The following EML2 variants were observed in gnomAD, a reference collection of about 807,000 sequenced individuals.
EML2 encodes EMAP like 2.
In EML2, 59 loss-of-function variants were observed where a neutral mutation model predicts 84.7. That is an observed-to-expected ratio of 0.70 (90% CI 0.56 to 0.86). The LOEUF (loss-of-function observed/expected upper bound fraction) is 0.86. EML2 is among the 40% of genes least tolerant of loss of function. The pLI, the probability that EML2 is intolerant of heterozygous loss-of-function variation, is 0.00. For missense variants in EML2, 818 were observed against 855.6 expected (o/e 0.96, Z 0.55); for synonymous variants, 352 against 348.9 (o/e 1.01, Z -0.10).
At chr19:45,623,301 G>A in intron 9 of EML2, among the ~76,000 whole-genome samples, 1 of 152,028 alleles carries the variant, frequency 6.6e-6, no homozygotes, top group Non-Finnish European at 1.5e-5. Flanking sequence ...AGAGCTTGCA[G>A]TGAGCCGAGA....
chr19:45,638,654 G>A lies in EML2; in HGVS notation c.50-20C>T. 1 of 1,612,106 alleles carries A rather than the reference G, an allele frequency of 6.2e-7. No individual in the cohort carries two copies. The highest frequency in any genetic ancestry group is 8.5e-7 in the Non-Finnish European group (1 of 1,178,858). On this transcript the variant is annotated intron_variant, in intron 2 of 18. Transcript: ENST00000245925. ...CATCCTCTGCCAGGACACCCCCAGAGGTCAGGCACTGACACCAGCCCCATC... is the reference window on the plus strand; with the variant it reads ...CATCCTCTGCCAGGACACCCCCAGAAGTCAGGCACTGACACCAGCCCCATC...
chr19:45,637,672 T>C (rs1322694348), intron 3 of EML2, among the ~76,000 whole-genome samples: 33 of 92,596 alleles, frequency 3.6e-4, no homozygotes, highest in South Asian at 2.1e-3. Flanking sequence ...CTTTTCTTTT[T>C]TTTTTTTTTT....
Position 45,613,607 on chromosome 19 carries a change from C to T in EML2, c.1758G>A (p.Lys586=). ...INAVARSHDG[K]LLASADDFGK... is the part of the protein sequence containing the mutation. ...CAAAGTCATCAGCTGAAGCCAGCAACTTCCCATCATGAGAGCGGGCCACAG... is the reference window on the plus strand; with the variant it reads ...CAAAGTCATCAGCTGAAGCCAGCAATTTCCCATCATGAGAGCGGGCCACAG... Residue 586 remains lysine (K), a synonymous_variant, in exon 18 of 19, where the codon AAG becomes AAA. Transcript: ENST00000245925. The T allele has an allele frequency of 1.9e-6, 3 of 1,614,134 alleles. No individual in the cohort carries two copies. The African/African-American group carries it at 4.0e-5, about 22-fold the overall frequency.
At position 45,638,848 on chromosome 19, in the gene EML2, C is replaced by G. The variant is rs1433627667; in HGVS notation, c.46G>C (p.Val16Leu). 1 of 1,613,750 alleles carries G rather than the reference C, an allele frequency of 6.2e-7. No individual in the cohort carries two copies. Residue 16 changes from valine to leucine, a missense_variant, in exon 2 of 19, where the codon GTG becomes CTG. Coordinates refer to ENST00000245925, the MANE Select transcript of EML2 (RefSeq NM_012155.4). ...AGKTKEVIFSVEDGSVKMFLR... is the reference protein window; with the variant it reads ...AGKTKEVIFSLEDGSVKMFLR... ...CCTTCCCCATCTCCCCACTCACCCA[C>G]ACTGAAGATAACTTCTTTGGTTTTG...
At chr19:45,625,346 T>A (rs1223018389) in intron 8 of EML2, among the ~76,000 whole-genome samples, 4 of 152,226 alleles carry the variant, frequency 2.6e-5, no homozygotes, top group Non-Finnish European at 2.9e-5. Flanking sequence ...GTTCAAGCGA[T>A]TCTCCCGCTG....
Position 45,621,697 on chromosome 19 carries a change from A to G in EML2, c.842-60T>C, listed in dbSNP as rs142173149. The G allele has an allele frequency of 7.8e-4, 1,196 of 1,530,290 alleles. 1 individual carries two copies. In the Middle Eastern group the frequency reaches 8.9e-3, roughly 11 times the overall value. 94.8% of individuals were successfully genotyped at this position (1,530,290 alleles called of 1,614,324 possible). ...AAGCCACCCCTATGCTGACCCCTGA[A>G]AGCATCTTGAACTCTCAAGCCTATG... is the stretch of plus-strand genomic sequence containing the variant. On this transcript the variant is annotated intron_variant, in intron 9 of 18. Coordinates refer to ENST00000245925, the MANE Select transcript of EML2 (RefSeq NM_012155.4).
chr19:45,624,331 G>C (rs1192351974), intron 9 of EML2, among the ~76,000 whole-genome samples: 2 of 152,074 alleles, frequency 1.3e-5, no homozygotes, highest in African/African-American at 4.8e-5. Flanking sequence ...CCATTTCCTA[G>C]GATCACACCT....
At chr19:45,642,230 G>T (rs770146492), upstream of EML2, 1 of 1,535,752 alleles carries the variant, frequency 6.5e-7, no homozygotes, top group South Asian at 1.2e-5. Flanking sequence ...CGCAGGCGAC[G>T]CAGAGCATCC....
intron 1 of EML2, 154 bp downstream of exon 1, chr19:45,639,203 A>G: frequency 1.2e-6 from 1 of 868,088 alleles, no homozygotes; most frequent in South Asian, 2.2e-5. Context: ...TTCCCCCAGC[A>G]CACCAAACGT....
At chr19:45,619,757 A>G (rs915562423) in intron 11 of EML2, among the ~76,000 whole-genome samples, 5 of 152,144 alleles carry the variant, frequency 3.3e-5, no homozygotes, top group African/African-American at 1.2e-4. Flanking sequence ...CACTCAAATC[A>G]TGGATGGAAA....
upstream of EML2, chr19:45,643,760 G>A: frequency 6.7e-7 from 1 of 1,501,770 alleles, no homozygotes; most frequent in Non-Finnish European, 8.9e-7. Flanking sequence ...TCCCTTCGTA[G>A]CCCAATCGCC....
At chr19:45,638,899 A>G in intron 1 of EML2, 26 bp from the exon 2 acceptor site, 1 of 1,613,758 alleles carries the variant, frequency 6.2e-7, no homozygotes. Context: ...AAAGAAAAAA[A>G]AAGGGTCTTA....
chr19:45,631,290 T>C (rs927473440), intron 6 of EML2, among the ~76,000 whole-genome samples: 16 of 152,286 alleles, frequency 1.1e-4, no homozygotes, highest in African/African-American at 3.6e-4. Flanking sequence ...AGAAAACCGG[T>C]GAGGGTCCAA....
chr19:45,623,521 C>T (rs1374735928), intron 9 of EML2: 2 of 151,470 alleles, frequency 1.3e-5, no homozygotes, highest in African/African-American at 4.9e-5. Flanking sequence ...AGAGTGAGAC[C>T]CTGTCTTAAA....
At chr19:45,645,228 C>A, upstream of EML2, 1 of 1,523,960 alleles carries the variant, frequency 6.6e-7, no homozygotes. Context: ...AGAGATGGGT[C>A]CAGCCTTGGG....
intron 3 of EML2, among the ~76,000 whole-genome samples, chr19:45,637,645 A>ATT (rs138008307): frequency 3.7e-5 from 3 of 80,182 alleles, no homozygotes; most frequent in African/African-American, 1.5e-4. Flanking sequence ...ATGGCTGGCT[A>ATT]TTTTTTTTTT....
At chr19:45,635,439 C>T (rs909664659) in intron 3 of EML2, among the ~76,000 whole-genome samples, 1 of 151,574 alleles carries the variant, frequency 6.6e-6, no homozygotes, top group African/African-American at 2.4e-5. Context: ...GGCGCCCAGC[C>T]GAGGAATGTA....
upstream of EML2, chr19:45,643,756 C>T: frequency 6.6e-7 from 1 of 1,508,610 alleles, no homozygotes. Context: ...TCCTTCCCTT[C>T]GTAGCCCAAT....
At chr19:45,611,499 C>CTTCTTCTTCTTCTTCTTA (rs35553113) in intron 18 of EML2, among the ~76,000 whole-genome samples, 1 of 149,874 alleles carries the variant, frequency 6.7e-6, no homozygotes, top group African/African-American at 2.5e-5. Flanking sequence ...TCTTCTTCTT[C>CTTCTTCTTCTTCTTCTTA]TTTTGAGACA....
Sources: allele counts gnomAD v4.1 joint callset (sites outside exome capture counted in the v4.1 genomes callset), GRCh38; gene constraint gnomAD v4.1.1; transcripts MANE v1.5; gene names NCBI Gene and HGNC (gene_info 2026-07-23, HGNC 2026-07-21).